GALNT5: variants seen among roughly 807,000 people sequenced by gnomAD.
The protein encoded by GALNT5 is UDP-GalNAc:polypeptide N-acetylgalactosaminyltransferase 5.
In GALNT5, 72 loss-of-function variants were observed where a neutral mutation model predicts 85.4. The observed-to-expected ratio is 0.84, with a 90% CI of 0.70 to 1.03. The LOEUF (loss-of-function observed/expected upper bound fraction) is 1.03, where lower values mean the gene tolerates loss of function less well. GALNT5 is among the 50% of genes least tolerant of loss of function. GALNT5 has a pLI of 0.00. For missense variants in GALNT5, 1,137 were observed against 1,135.5 expected (o/e 1.00, Z -0.02); for synonymous variants, 404 against 397.0 (o/e 1.02, Z -0.21).
chr2:157,276,981 A>G (rs1682744488), intron 1 of GALNT5, among the ~76,000 whole-genome samples: 1 of 151,726 alleles, frequency 6.6e-6, no homozygotes, highest in Middle Eastern at 3.2e-3. Context: ...TTCCCTCTAC[A>G]CACTGCTTTA....
intron 2 of GALNT5, among the ~76,000 whole-genome samples, chr2:157,285,429 C>G (rs1299529561): frequency 2.0e-5 from 3 of 152,122 alleles, no homozygotes; most frequent in Admixed American, 2.0e-4. Context: ...GGAAGCCATT[C>G]CAACCTAGGA....
rs181455512 is a variant in GALNT5 at position 157,303,194 on chromosome 2, C to T, written c.2439+2195C>T. The stretch of plus-strand genomic sequence containing the variant: ...AATCTCACCAATAATGTATTTTTCA[C>T]TGGATTAAACTGCTGGCAAACAGTC... On this transcript the variant is annotated intron_variant, in intron 7 of 9. Coordinates refer to ENST00000259056, the MANE Select transcript of GALNT5 (RefSeq NM_014568.3). Among the ~76,000 whole-genome samples, 14 of 152,260 alleles carry T rather than the reference C, an allele frequency of 9.2e-5. No homozygotes were observed. In the East Asian group the frequency reaches 2.7e-3, roughly 29 times the overall value.
chr2:157,260,368 C>T (rs1423037922), intron 1 of GALNT5, among the ~76,000 whole-genome samples: 1 of 152,186 alleles, frequency 6.6e-6, no homozygotes, highest in Non-Finnish European at 1.5e-5. Context: ...TCTAAAGCTG[C>T]CCAATGGGCC....
intron 3 of GALNT5, 131 bp downstream of exon 3, chr2:157,286,265 A>T: frequency 1.4e-6 from 1 of 693,784 alleles, no homozygotes; most frequent in South Asian, 1.9e-5. Context: ...ATCAATTTTA[A>T]ACAGTTTTTA....
In GALNT5 at chr2:157,316,956, C is replaced by T. The variant is rs976313577; in HGVS notation, c.*5608C>T. On this transcript the variant is annotated 3_prime_UTR_variant, in exon 10 of 10. Coordinates refer to ENST00000259056, the MANE Select transcript of GALNT5 (RefSeq NM_014568.3). ...TAATATGCTGTTTCTAATAATGAGT[C>T]ACCATCAAATAAGTAATAAATATTT... Among the ~76,000 whole-genome samples the T allele has an allele frequency of 2.0e-5, 3 of 151,942 alleles. No homozygotes were observed. The highest frequency in any genetic ancestry group is 6.6e-5 in the Admixed American group (1 of 15,252).
chr2:157,262,182 T>C (rs1008707346), intron 1 of GALNT5, among the ~76,000 whole-genome samples: 4 of 149,550 alleles, frequency 2.7e-5, no homozygotes, highest in Non-Finnish European at 5.9e-5. Context: ...CAACTGCTCA[T>C]TGATACAGAA....
chr2:157,307,668 A>G (rs937284880), intron 8 of GALNT5, among the ~76,000 whole-genome samples: 8 of 152,188 alleles, frequency 5.3e-5, no homozygotes, highest in Non-Finnish European at 1.2e-4. Flanking sequence ...AAGGTCCAAC[A>G]CAATGACTTT....
chr2:157,274,696 A>G (rs1574016701), intron 1 of GALNT5, among the ~76,000 whole-genome samples: 1 of 151,720 alleles, frequency 6.6e-6, no homozygotes, highest in African/African-American at 2.4e-5. Context: ...TTTCTTGTAC[A>G]TTTGTTTGAG....
chr2:157,264,584 C>G (rs1682417802), intron 1 of GALNT5, among the ~76,000 whole-genome samples: 1 of 150,926 alleles, frequency 6.6e-6, no homozygotes, highest in Non-Finnish European at 1.5e-5. Flanking sequence ...CCTTCCTACA[C>G]AGCTAAAGAA....
intron 1 of GALNT5, among the ~76,000 whole-genome samples, chr2:157,275,925 T>C (rs1335819209): frequency 6.6e-6 from 1 of 152,212 alleles, no homozygotes; most frequent in Non-Finnish European, 1.5e-5. Flanking sequence ...ATTCCAGTTT[T>C]TGCCCATTCA....
At chr2:157,294,892 A>T (rs1363302236) in intron 3 of GALNT5, among the ~76,000 whole-genome samples, 1 of 151,828 alleles carries the variant, frequency 6.6e-6, no homozygotes, top group Non-Finnish European at 1.5e-5. Context: ...AGAGAGAGAG[A>T]GTGTTACTTC....
At position 157,259,183 on chromosome 2, in the gene GALNT5, T is replaced by C. The variant is rs767244094; in HGVS notation, c.1101T>C (p.Ser367=). ...KHISRNRSEM[S]SSSLAPHRVP... ...TTTCCAGGAATAGAAGTGAGATGTC[T>C]TCCTCTTCACTTGCTCCACATAGAG... The change falls in exon 1 of 10, where the codon TCT becomes TCC. Residue 367 remains serine (S), a synonymous_variant. Transcript: ENST00000259056. 6.5e-7 allele frequency: 1 copy of C among 1,543,482 alleles called. No individual in the cohort carries two copies. Among genetic ancestry groups the C allele is most frequent in the South Asian group, 1.3e-5 (1 of 77,938 alleles).
chr2:157,258,004 G>GCTGCTGCTA lies in GALNT5; in HGVS notation c.-76_-68dup, dbSNP rs1553460652. ...TGGCAACTCTGCTGCTGCTGCTGCT[G>GCTGCTGCTA]CTGCTGCTACTTCAGCTTCCTCTCC... On this transcript the variant is annotated 5_prime_UTR_variant, in exon 1 of 10. Transcript: ENST00000259056. 12 of 1,500,098 alleles carry GCTGCTGCTA rather than the reference G, an allele frequency of 8.0e-6. No individual in the cohort carries two copies. The highest frequency in any genetic ancestry group is 1.1e-5 in the Non-Finnish European group (12 of 1,089,606). 92.9% of individuals were successfully genotyped at this position (1,500,098 alleles called of 1,614,324 possible). A position where few individuals can be genotyped will look rare whatever the true frequency, so the allele number is the denominator to read the frequency against.
intron 5 of GALNT5, chr2:157,298,739 T>A (rs10180979): frequency 0.82 from 124,314 of 152,198 alleles, 52,104 homozygotes; most frequent in South Asian, 0.92. Flanking sequence ...GACAACTCAC[T>A]CTCACGGCCT....
chr2:157,296,508 A>G lies in GALNT5; in HGVS notation c.1992A>G (p.Thr664=). The change falls in exon 5 of 10, where the codon ACA becomes ACG. Residue 664 remains threonine (T), a synonymous_variant. Coordinates refer to ENST00000259056, the MANE Select transcript of GALNT5 (RefSeq NM_014568.3). ...AAAACAGAATTAAAGAAACTGATAC[A>G]ATAAGGTAAGTGTGGGAAATTTAAG... ...IAKNRIKETD[T]IRCPVMAGGL... 2 of 1,608,956 alleles carry G rather than the reference A, an allele frequency of 1.2e-6. No homozygotes were observed. Among genetic ancestry groups the G allele is most frequent in the Non-Finnish European group, 1.7e-6 (2 of 1,175,904 alleles).
At chr2:157,277,298 T>G (rs1310876641) in intron 1 of GALNT5, among the ~76,000 whole-genome samples, 6 of 152,146 alleles carry the variant, frequency 3.9e-5, no homozygotes, top group African/African-American at 1.4e-4. Flanking sequence ...TATATATTGT[T>G]GATTTGGGGT....
chr2:157,289,228 G>A (rs1683041553), intron 3 of GALNT5, among the ~76,000 whole-genome samples: 1 of 152,158 alleles, frequency 6.6e-6, no homozygotes, highest in Admixed American at 6.5e-5. Context: ...GGGGTGTTAT[G>A]AGCTTGATTA....
intron 5 of GALNT5, chr2:157,299,281 A>G (rs1476597048): frequency 3.4e-6 from 1 of 295,680 alleles, no homozygotes; most frequent in Non-Finnish European, 6.3e-6. Context: ...GTTAAAAATA[A>G]CATTCCTGGA....
intron 9 of GALNT5, among the ~76,000 whole-genome samples, chr2:157,309,016 G>A (rs1165373945): frequency 6.6e-6 from 1 of 152,064 alleles, no homozygotes; most frequent in African/African-American, 2.4e-5. Flanking sequence ...AACACCGAAA[G>A]TCAGGCTTAA....
Sources: allele counts gnomAD v4.1 joint callset (sites outside exome capture counted in the v4.1 genomes callset), GRCh38; gene constraint gnomAD v4.1.1; transcripts MANE v1.5; gene names NCBI Gene and HGNC (gene_info 2026-07-23, HGNC 2026-07-21).